Variants in ZNF385D observed in about 807,000 individuals in gnomAD.
ZNF385D encodes the protein zinc finger protein 385D, also known as zinc finger protein 659.
Under a neutral mutation model 35.8 loss-of-function variants are expected in ZNF385D, and 15 were observed. That is an observed-to-expected ratio of 0.42 (90% CI 0.28 to 0.64). The LOEUF is 0.64. Ranked by LOEUF, ZNF385D falls within the 30% of genes least tolerant of loss-of-function variation. The probability of loss-of-function intolerance (pLI) is 0.23; values close to 1 mark genes in which losing one functional copy is unlikely to be tolerated. For missense variants in ZNF385D, 474 were observed against 494.6 expected (o/e 0.96, Z 0.39); for synonymous variants, 212 against 186.8 (o/e 1.13, Z -1.10).
chr3:21,661,011 C>T (rs182504546), intron 2 of ZNF385D, among the ~76,000 whole-genome samples: 7 of 152,198 alleles, frequency 4.6e-5, no homozygotes, highest in East Asian at 3.9e-4. Context: ...GTATATTAGA[C>T]GCCACTGAAA....
intron 2 of ZNF385D, among the ~76,000 whole-genome samples, chr3:22,232,372 T>A (rs140231932): frequency 6.6e-6 from 1 of 152,196 alleles, no homozygotes; most frequent in Non-Finnish European, 1.5e-5. Flanking sequence ...TCTCTGAGAA[T>A]GGCTTCACGT....
At chr3:21,898,772 A>G (rs1699262292) in intron 3 of ZNF385D, among the ~76,000 whole-genome samples, 1 of 152,116 alleles carries the variant, frequency 6.6e-6, no homozygotes, top group Admixed American at 6.6e-5. Context: ...CTGATCTTAT[A>G]ATCTTTCCCC....
At chr3:22,344,132 T>A (rs1695544847) in intron 2 of ZNF385D, among the ~76,000 whole-genome samples, 4 of 151,058 alleles carry the variant, frequency 2.6e-5, no homozygotes. Flanking sequence ...TTTGGCCTCT[T>A]GTGTTTTGAA....
chr3:22,103,938 G>A (rs973655226), intron 3 of ZNF385D, among the ~76,000 whole-genome samples: 1 of 151,952 alleles, frequency 6.6e-6, no homozygotes, highest in Non-Finnish European at 1.5e-5. Flanking sequence ...AAATTTAATA[G>A]GAAAATCAGT....
intron 3 of ZNF385D, among the ~76,000 whole-genome samples, chr3:22,010,303 T>G (rs567013727): frequency 6.6e-6 from 1 of 152,182 alleles, no homozygotes; most frequent in African/African-American, 2.4e-5. Flanking sequence ...TTGGAATACT[T>G]CGGAAATTTA....
chr3:22,370,620 A>C (rs1559546429), intron 2 of ZNF385D, among the ~76,000 whole-genome samples: 1 of 152,232 alleles, frequency 6.6e-6, no homozygotes, highest in Non-Finnish European at 1.5e-5. Flanking sequence ...GAGGTTGTGT[A>C]GGGGTTAACA....
At chr3:22,069,915 T>C (rs982378746) in intron 3 of ZNF385D, among the ~76,000 whole-genome samples, 1 of 152,158 alleles carries the variant, frequency 6.6e-6, no homozygotes, top group Non-Finnish European at 1.5e-5. Context: ...TGCTACAGAA[T>C]GGGTTTCAGA....
chr3:22,242,017 T>A (rs543830883), intron 2 of ZNF385D, among the ~76,000 whole-genome samples: 7 of 149,976 alleles, frequency 4.7e-5, no homozygotes, highest in Admixed American at 6.7e-5. Context: ...TAGGTGGGAA[T>A]TGAACAATGA....
intron 3 of ZNF385D, among the ~76,000 whole-genome samples, chr3:22,117,963 G>T (rs896871103): frequency 6.6e-6 from 1 of 151,952 alleles, no homozygotes; most frequent in Non-Finnish European, 1.5e-5. Context: ...TATTACAGAA[G>T]TAACAAGAAG....
intron 3 of ZNF385D, among the ~76,000 whole-genome samples, chr3:21,844,113 G>A (rs549888388): frequency 4.0e-5 from 6 of 151,866 alleles, no homozygotes; most frequent in Non-Finnish European, 7.4e-5. Context: ...TATATTTTAC[G>A]GGATTTTCAC....
intron 3 of ZNF385D, among the ~76,000 whole-genome samples, chr3:21,777,374 C>G (rs2071329316): frequency 6.6e-6 from 1 of 151,938 alleles, no homozygotes; most frequent in Admixed American, 6.6e-5. Flanking sequence ...CCCTCTCTCT[C>G]TACCGAGGTT....
intron 3 of ZNF385D, among the ~76,000 whole-genome samples, chr3:21,986,133 G>A (rs79412099): frequency 3.0e-3 from 229 of 77,524 alleles, no homozygotes; most frequent in Middle Eastern, 0.011. Context: ...TGGATTCATT[G>A]ATTTTTTGAA....
chr3:22,240,623 T>G (rs1330076928), intron 2 of ZNF385D, among the ~76,000 whole-genome samples: 1 of 151,028 alleles, frequency 6.6e-6, no homozygotes, highest in African/African-American at 2.5e-5. Context: ...CAGGGCCACC[T>G]CTAGTCTTTG....
rs1328201569 is a variant in ZNF385D at position 21,412,369 on chromosome 3, A to C, written c.*8845T>G. On this transcript the variant is annotated 3_prime_UTR_variant, in exon 8 of 8. Coordinates refer to ENST00000281523, the MANE Select transcript of ZNF385D (RefSeq NM_024697.3). ...GGTTTACCATAACTCTCAGAACAGG[A>C]GTATATTACAAACAAGTGGAATAGA... 1 of 152,088 alleles carries C rather than the reference A, an allele frequency of 6.6e-6. No homozygotes were observed. The highest frequency in any genetic ancestry group is 1.5e-5 in the Non-Finnish European group (1 of 67,972). 9.4% of individuals were successfully genotyped at this position (152,088 alleles called of 1,614,324 possible).
intron 2 of ZNF385D, among the ~76,000 whole-genome samples, chr3:21,594,379 G>C (rs2064069468): frequency 6.6e-6 from 1 of 152,124 alleles, no homozygotes; most frequent in South Asian, 2.1e-4. Flanking sequence ...CGTGCAAGTA[G>C]TTTTTTAATG....
At chr3:22,358,880 A>T (rs1366949232) in intron 2 of ZNF385D, among the ~76,000 whole-genome samples, 1 of 151,494 alleles carries the variant, frequency 6.6e-6, no homozygotes, top group Non-Finnish European at 1.5e-5. Flanking sequence ...TGAAAAAGAC[A>T]CTCACCTACA....
intron 4 of ZNF385D, among the ~76,000 whole-genome samples, chr3:21,483,141 C>T (rs962931588): frequency 2.6e-5 from 4 of 151,996 alleles, no homozygotes; most frequent in African/African-American, 7.2e-5. Flanking sequence ...TTTGTACTAC[C>T]CCATTAAAGT....
intron 3 of ZNF385D, among the ~76,000 whole-genome samples, chr3:21,965,742 G>T (rs1265124656): frequency 1.3e-5 from 2 of 152,088 alleles, no homozygotes; most frequent in Admixed American, 6.6e-5. Flanking sequence ...TAACTTCTGT[G>T]GTAAGAGGAT....
chr3:21,595,062 G>A (rs2064091040), intron 2 of ZNF385D, among the ~76,000 whole-genome samples: 1 of 152,114 alleles, frequency 6.6e-6, no homozygotes, highest in Non-Finnish European at 1.5e-5. Flanking sequence ...AAGATTATTG[G>A]TCTTAATAGA....
Sources: gnomAD v4.1 joint callset for allele counts (sites outside exome capture counted in the v4.1 genomes callset) on GRCh38, gnomAD v4.1.1 for gene constraint, MANE v1.5 for transcripts, NCBI Gene and HGNC (gene_info 2026-07-23, HGNC 2026-07-21) for gene names.